The following SLC5A9 variants were observed in gnomAD, a reference collection of about 807,000 sequenced individuals.
SLC5A9 encodes the protein sodium/glucose cotransporter 4.
In SLC5A9, 59 loss-of-function variants were observed where a neutral mutation model predicts 70.9. The ratio of observed to expected loss-of-function variants is 0.83; its 90% confidence interval spans 0.68 to 1.03. The LOEUF is 1.03. Among genes scored for constraint, SLC5A9 ranks in the 50% least tolerant of loss-of-function variants. SLC5A9 has a pLI of 0.00. For synonymous variants in SLC5A9, 340 were observed against 346.5 expected, an observed-to-expected ratio of 0.98 and a Z score of 0.21; for missense variants, 832 against 881.1, an observed-to-expected ratio of 0.94 and a Z score of 0.71.
chr1:48,235,947 G>T, intron 10 of SLC5A9, 68 bp downstream of exon 10: 1 of 1,589,060 alleles, frequency 6.3e-7, no homozygotes, highest in Non-Finnish European at 8.6e-7. Context: ...GGGTTACCCT[G>T]AACAGAGGTG....
chr1:48,243,462 T>C (rs1191763461), intron 13 of SLC5A9, among the ~76,000 whole-genome samples: 1 of 152,212 alleles, frequency 6.6e-6, no homozygotes, highest in Non-Finnish European at 1.5e-5. Context: ...TTGAAAATTA[T>C]TTTAAGACAT....
Position 48,247,734 on chromosome 1 carries a change from C to G in SLC5A9, c.*191C>G, listed in dbSNP as rs953396559. On this transcript the variant is annotated 3_prime_UTR_variant, in exon 14 of 14. Coordinates refer to ENST00000438567, the MANE Select transcript of SLC5A9 (RefSeq NM_001011547.3). Reference sequence around the variant, plus strand: ...GAGAAACAGAAGCCCAGAGAGAGCACTGGGTTTGTTCAGGACCACCCAGAA... The same window carrying G: ...GAGAAACAGAAGCCCAGAGAGAGCAGTGGGTTTGTTCAGGACCACCCAGAA... 1.6e-6 allele frequency: 1 copy of G among 627,612 alleles called. No individual in the cohort carries two copies. Among genetic ancestry groups the G allele is most frequent in the Non-Finnish European group, 2.8e-6 (1 of 359,722 alleles). 38.9% of individuals were successfully genotyped at this position (627,612 alleles called of 1,614,324 possible). A position where few individuals can be genotyped will look rare whatever the true frequency, so the allele number is the denominator to read the frequency against.
chr1:48,224,975 T>TG (rs955919870), intron 2 of SLC5A9, among the ~76,000 whole-genome samples, 180 bp downstream of exon 2: 1 of 139,892 alleles, frequency 7.1e-6, no homozygotes, highest in Non-Finnish European at 1.6e-5. Flanking sequence ...TGAGTGGTCC[T>TG]GCTAGCACGC....
At chr1:48,235,136 T>C (rs185003534) in intron 9 of SLC5A9, among the ~76,000 whole-genome samples, 135 of 152,224 alleles carry the variant, frequency 8.9e-4, no homozygotes, top group African/African-American at 3.2e-3. Context: ...CATCCTCCCT[T>C]GTTCAAGTGG....
At chr1:48,231,778 T>C in intron 6 of SLC5A9, 153 bp downstream of exon 6, 1 of 1,503,170 alleles carries the variant, frequency 6.7e-7, no homozygotes, top group Non-Finnish European at 8.9e-7. Context: ...AGAGCAGGGT[T>C]CTCGCTACTT....
intron 13 of SLC5A9, among the ~76,000 whole-genome samples, chr1:48,244,065 C>T (rs574793041): frequency 4.6e-5 from 7 of 152,228 alleles, no homozygotes; most frequent in Admixed American, 2.0e-4. Flanking sequence ...TTGTTTATAA[C>T]GTCCAGGCAG....
rs767833098 is a variant in SLC5A9 at position 48,231,636 on chromosome 1, G to A, written c.691+11G>A. ...TCCTCATGTTTCTGGGTAAGGAAGA[G>A]ACCTAAATATACCCCACTGTCATTC... On this transcript the variant is annotated intron_variant, in intron 6 of 13. Transcript: ENST00000438567. The A allele has an allele frequency of 1.9e-6, 3 of 1,614,008 alleles. No homozygotes were observed. The highest frequency in any genetic ancestry group is 2.5e-6 in the Non-Finnish European group (3 of 1,179,946).
chr1:48,232,155 A>T lies in SLC5A9; in HGVS notation c.897+4A>T. On this transcript the variant is annotated splice_donor_region_variant and intron_variant, in intron 7 of 13. Coordinates refer to ENST00000438567, the MANE Select transcript of SLC5A9 (RefSeq NM_001011547.3). Reference sequence around the variant, plus strand: ...CTGGTGTTGGTGCACAGACCAGGTAATCCCCCAGCCAGGCTTAGCCCAGCC... The same window carrying T: ...CTGGTGTTGGTGCACAGACCAGGTATTCCCCCAGCCAGGCTTAGCCCAGCC... The T allele has an allele frequency of 6.2e-7, 1 of 1,606,508 alleles. No homozygotes were observed. The highest frequency in any genetic ancestry group is 8.5e-7 in the Non-Finnish European group (1 of 1,174,582).
At chr1:48,228,567 G>A in intron 2 of SLC5A9, 1 of 405,192 alleles carries the variant, frequency 2.5e-6, no homozygotes, top group South Asian at 2.6e-5. Context: ...CCCACTTCCA[G>A]GCTTCCTTCC....
intron 13 of SLC5A9, 74 bp from the exon 14 acceptor site, chr1:48,247,261 A>G (rs1644469926): frequency 5.7e-6 from 8 of 1,394,018 alleles, no homozygotes; most frequent in African/African-American, 1.4e-5. Flanking sequence ...CTACTCTCCT[A>G]TCACTTTCCT....
Position 48,222,835 on chromosome 1 carries a change from G to A in SLC5A9, c.99G>A (p.Leu33=), listed in dbSNP as rs143086802. ...TAGCACTGGACTCCAGAGTTGGTCT[G>A]CACGCCTACGACATCAGCGTGGTGG... ...PHIALDSRVG[L]HAYDISVVVI... is the part of the protein sequence containing the mutation. Residue 33 remains leucine, a synonymous_variant, in exon 1 of 14, where the codon CTG becomes CTA. Transcript: ENST00000438567. The A allele has an allele frequency of 6.2e-7, 1 of 1,614,200 alleles. No individual in the cohort carries two copies. Among genetic ancestry groups the A allele is most frequent in the Non-Finnish European group, 8.5e-7 (1 of 1,180,042 alleles).
chr1:48,232,657 C>A (rs1644266520), intron 8 of SLC5A9, among the ~76,000 whole-genome samples, 155 bp downstream of exon 8: 1 of 151,952 alleles, frequency 6.6e-6, no homozygotes, highest in Non-Finnish European at 1.5e-5. Context: ...GGCATGCACC[C>A]ATAGACCCAG....
chr1:48,248,495 T>C lies in SLC5A9; in HGVS notation c.*952T>C, dbSNP rs113607680. 0.016 allele frequency: 2,451 copies of C among 152,476 alleles called. 67 individuals are homozygous for C. Among genetic ancestry groups the C allele is most frequent in the African/African-American group, 0.056 (2,317 of 41,558 alleles). 9.4% of individuals were successfully genotyped at this position (152,476 alleles called of 1,614,324 possible). On this transcript the variant is annotated 3_prime_UTR_variant, in exon 14 of 14. Transcript: ENST00000438567. ...CAGACCTGGGTCAAGTTCCCACTCCTGCTCCCATAGCCTTGACCTGCTTCT... is the reference window on the plus strand; with the variant it reads ...CAGACCTGGGTCAAGTTCCCACTCCCGCTCCCATAGCCTTGACCTGCTTCT...
chr1:48,231,718 G>C, intron 6 of SLC5A9, 93 bp downstream of exon 6: 1 of 1,553,032 alleles, frequency 6.4e-7, no homozygotes, highest in Non-Finnish European at 8.7e-7. Flanking sequence ...AAACTTTCCA[G>C]TGCATAGAGC....
chr1:48,232,131 T>A lies in SLC5A9; in HGVS notation c.877T>A (p.Trp293Arg). 1.9e-6 allele frequency: 3 copies of A among 1,613,468 alleles called. No homozygotes were observed. Among genetic ancestry groups the A allele is most frequent in the African/African-American group, 2.7e-5 (2 of 75,042 alleles). ...LIFGLTVLAT[W>R]CWCTDQVIVQ... The stretch of plus-strand genomic sequence containing the variant: ...TTTCGGGCTCACAGTGCTGGCCACC[T>A]GGTGTTGGTGCACAGACCAGGTAAT... The change falls in exon 7 of 14, where the codon TGG (tryptophan) becomes AGG (arginine). Residue 293 changes from tryptophan to arginine, a missense_variant. Trp to Arg is a moderately radical substitution (Grantham distance 101). Coordinates refer to ENST00000438567, the MANE Select transcript of SLC5A9 (RefSeq NM_001011547.3).
At chr1:48,245,871 G>C (rs1644455260) in intron 13 of SLC5A9, among the ~76,000 whole-genome samples, 1 of 151,952 alleles carries the variant, frequency 6.6e-6, no homozygotes, top group Non-Finnish European at 1.5e-5. Context: ...TGAGATGGGA[G>C]GACTGCTTGA....
chr1:48,237,862 C>G lies in SLC5A9; in HGVS notation c.1461+15C>G. The G allele has an allele frequency of 1.2e-6, 2 of 1,613,462 alleles. No individual in the cohort carries two copies. The highest frequency in any genetic ancestry group is 1.7e-6 in the Non-Finnish European group (2 of 1,179,642). On this transcript the variant is annotated intron_variant, in intron 11 of 13. Coordinates refer to ENST00000438567, the MANE Select transcript of SLC5A9 (RefSeq NM_001011547.3). Reference sequence around the variant, plus strand: ...TCACAGAGCCCGTGAGTGCAGTGTACCTGTCTCTCACATACAGCAGAGGGG... The same window carrying G: ...TCACAGAGCCCGTGAGTGCAGTGTAGCTGTCTCTCACATACAGCAGAGGGG...
At chr1:48,225,863 C>T (rs539739986) in intron 2 of SLC5A9, among the ~76,000 whole-genome samples, 26 of 152,156 alleles carry the variant, frequency 1.7e-4, no homozygotes, top group Non-Finnish European at 2.5e-4. Flanking sequence ...CATACTTACA[C>T]GTGCACACTC....
chr1:48,236,285 T>C (rs967538419), intron 10 of SLC5A9, among the ~76,000 whole-genome samples: 37 of 152,174 alleles, frequency 2.4e-4, no homozygotes, highest in Admixed American at 1.2e-3. Context: ...ACTCTGAACA[T>C]CTACTGTGCA....
Sources: allele counts gnomAD v4.1 joint callset (sites outside exome capture counted in the v4.1 genomes callset), GRCh38; gene constraint gnomAD v4.1.1; transcripts MANE v1.5; gene names NCBI Gene and HGNC (gene_info 2026-07-23, HGNC 2026-07-21).